The following FHIT variants were observed in gnomAD, a reference collection of about 807,000 sequenced individuals.
The protein encoded by FHIT is bis(5'-adenosyl)-triphosphatase.
Under a neutral mutation model 17.9 loss-of-function variants are expected in FHIT, and 19 were observed. The observed-to-expected ratio is 1.06, with a 90% CI of 0.74 to 1.56. FHIT has a LOEUF of 1.56. Ranked by LOEUF, FHIT falls within the 40% of genes most tolerant of loss-of-function variation. The pLI is 0.00. For synonymous variants in FHIT, 81 were observed against 69.7 expected (o/e 1.16, Z -0.81); for missense variants, 248 against 189.2 (o/e 1.31, Z -1.82).
chr3:60,224,496 C>A (rs1001734198), intron 5 of FHIT, among the ~76,000 whole-genome samples: 6 of 152,092 alleles, frequency 3.9e-5, no homozygotes, highest in African/African-American at 1.2e-4. Flanking sequence ...AAATGTTCCC[C>A]TCACAAAGTT....
intron 5 of FHIT, among the ~76,000 whole-genome samples, chr3:60,051,522 C>T (rs908714199): frequency 2.2e-4 from 33 of 152,126 alleles, no homozygotes; most frequent in African/African-American, 7.0e-4. Context: ...AGTACATTTC[C>T]GTAAGATATG....
chr3:60,323,261 T>C (rs746901453), intron 5 of FHIT, among the ~76,000 whole-genome samples: 1 of 152,102 alleles, frequency 6.6e-6, no homozygotes, highest in Non-Finnish European at 1.5e-5. Flanking sequence ...AGTGATGATA[T>C]CTACATAACG....
At chr3:60,625,755 A>G (rs2039267523) in intron 4 of FHIT, among the ~76,000 whole-genome samples, 1 of 145,602 alleles carries the variant, frequency 6.9e-6, no homozygotes, top group Admixed American at 6.8e-5. Flanking sequence ...GTCTTTTTCC[A>G]TTTGTTGCTT....
intron 5 of FHIT, among the ~76,000 whole-genome samples, chr3:60,251,070 T>C (rs952692256): frequency 2.0e-5 from 3 of 152,148 alleles, no homozygotes; most frequent in African/African-American, 7.2e-5. Flanking sequence ...CACATATGCT[T>C]CCCCCATACA....
intron 4 of FHIT, among the ~76,000 whole-genome samples, chr3:60,802,437 T>C (rs1701224830): frequency 6.6e-6 from 1 of 152,194 alleles, no homozygotes; most frequent in South Asian, 2.1e-4. Context: ...TTATTGGCTC[T>C]TATTCGTAAA....
intron 5 of FHIT, among the ~76,000 whole-genome samples, chr3:60,044,093 T>C (rs56119656): frequency 0.013 from 1,922 of 152,328 alleles, 36 homozygotes; most frequent in African/African-American, 0.044. Flanking sequence ...CTTTGACTTC[T>C]GCTGAAAAGT....
At chr3:61,052,150 T>A (rs1479483259) in intron 2 of FHIT, among the ~76,000 whole-genome samples, 1 of 152,160 alleles carries the variant, frequency 6.6e-6, no homozygotes, top group Non-Finnish European at 1.5e-5. Flanking sequence ...TAAAAGCAAA[T>A]CATGGTAAAC....
rs182183076 is a variant in FHIT, at chr3:60,264,838, C to T, written c.104-250686G>A. Among the ~76,000 whole-genome samples, 185 of 149,090 alleles carry T rather than the reference C, an allele frequency of 1.2e-3. 2 individuals are homozygous for T. Among genetic ancestry groups the T allele is most frequent in the Middle Eastern group, 3.5e-3 (1 of 288 alleles). Reference sequence around the variant, plus strand: ...GTGATGAAATGCGACTTTCACCTCACTGTTTCTCAATCTTTTTTTCATCAT... The same window carrying T: ...GTGATGAAATGCGACTTTCACCTCATTGTTTCTCAATCTTTTTTTCATCAT... On this transcript the variant is annotated intron_variant, in intron 5 of 9. Transcript: ENST00000492590.
chr3:61,088,366 G>A (rs1166353645), intron 2 of FHIT, among the ~76,000 whole-genome samples: 1 of 152,178 alleles, frequency 6.6e-6, no homozygotes, highest in African/African-American at 2.4e-5. Flanking sequence ...AGCTGCTTGG[G>A]AGGGAGCTAA....
intron 3 of FHIT, among the ~76,000 whole-genome samples, chr3:60,956,136 A>G (rs1197387199): frequency 6.6e-6 from 1 of 152,230 alleles, no homozygotes; most frequent in African/African-American, 2.4e-5. Context: ...ATCCAAATAG[A>G]GTATTAATGA....
chr3:60,303,007 C>A (rs189297268), intron 5 of FHIT, among the ~76,000 whole-genome samples: 26 of 152,178 alleles, frequency 1.7e-4, no homozygotes, highest in Middle Eastern at 6.8e-3. Flanking sequence ...TATGAAAAAC[C>A]TTTAATATTT....
chr3:61,174,841 G>T (rs912369449), intron 2 of FHIT, among the ~76,000 whole-genome samples: 1 of 152,128 alleles, frequency 6.6e-6, no homozygotes, highest in African/African-American at 2.4e-5. Context: ...ACTTGCAATG[G>T]GATACTTGTG....
At chr3:60,729,392 T>C (rs1346469939) in intron 4 of FHIT, among the ~76,000 whole-genome samples, 1 of 152,192 alleles carries the variant, frequency 6.6e-6, no homozygotes, top group Non-Finnish European at 1.5e-5. Flanking sequence ...GTATGCGGCT[T>C]GTGTCATCAA....
intron 3 of FHIT, among the ~76,000 whole-genome samples, chr3:60,896,066 T>A (rs1169143566): frequency 6.6e-6 from 1 of 152,064 alleles, no homozygotes; most frequent in Non-Finnish European, 1.5e-5. Flanking sequence ...TGCATTAGAT[T>A]CTCATGGCAA....
chr3:60,956,402 T>C (rs1050181439), intron 3 of FHIT, among the ~76,000 whole-genome samples: 1 of 152,162 alleles, frequency 6.6e-6, no homozygotes, highest in Non-Finnish European at 1.5e-5. Context: ...ACATTCTCTC[T>C]CTCTTGGGCT....
intron 5 of FHIT, among the ~76,000 whole-genome samples, chr3:60,489,063 G>A (rs1576747215): frequency 6.6e-6 from 1 of 152,092 alleles, no homozygotes; most frequent in Non-Finnish European, 1.5e-5. Context: ...GAGACCATGA[G>A]CAGTGCTAAA....
At chr3:60,405,818 C>T (rs534125128) in intron 5 of FHIT, among the ~76,000 whole-genome samples, 5 of 152,314 alleles carry the variant, frequency 3.3e-5, no homozygotes, top group East Asian at 1.9e-4. Flanking sequence ...CAGCCCCCAA[C>T]GACATCAACT....
intron 8 of FHIT, among the ~76,000 whole-genome samples, chr3:59,785,816 G>C (rs910797179): frequency 6.6e-6 from 1 of 152,212 alleles, no homozygotes; most frequent in East Asian, 1.9e-4. Context: ...AGAAGGTGGA[G>C]TGGGCAGGAG....
At chr3:60,401,135 T>C (rs1340262946) in intron 5 of FHIT, among the ~76,000 whole-genome samples, 1 of 152,166 alleles carries the variant, frequency 6.6e-6, no homozygotes, top group Non-Finnish European at 1.5e-5. Context: ...AGACATTATC[T>C]ATGCATTTGT....
Sources: allele counts gnomAD v4.1 joint callset (sites outside exome capture counted in the v4.1 genomes callset), GRCh38; gene constraint gnomAD v4.1.1; transcripts MANE v1.5; gene names NCBI Gene and HGNC (gene_info 2026-07-23, HGNC 2026-07-21).